MYO1G: variants seen among roughly 807,000 people sequenced by gnomAD.
The protein encoded by MYO1G is myosin IG.
Under a neutral mutation model 115.3 loss-of-function variants are expected in MYO1G, and 65 were observed. The ratio of observed to expected loss-of-function variants is 0.56; its 90% CI spans 0.46 to 0.69. The LOEUF (loss-of-function observed/expected upper bound fraction) is 0.69. MYO1G is among the 30% of genes least tolerant of loss of function. The pLI, the probability that MYO1G is intolerant of heterozygous loss-of-function variation, is 0.00. For missense variants in MYO1G, 1,204 were observed against 1,393.5 expected, an observed-to-expected ratio of 0.86 and a Z score of 2.16; for synonymous variants, 510 against 552.6, an observed-to-expected ratio of 0.92 and a Z score of 1.08.
At position 44,975,240 on chromosome 7, in the gene MYO1G, G is replaced by C. The variant is rs1401891651; in HGVS notation, c.565-13C>G. On this transcript the variant is annotated splice_polypyrimidine_tract_variant and intron_variant, in intron 4 of 21. Coordinates refer to ENST00000258787, the MANE Select transcript of MYO1G (RefSeq NM_033054.3). ...TGAGGACCCGAGACTGAGGAGAGAG[G>C]GGCAGATGGACTCAGGCCTGGGAAG... is the stretch of plus-strand genomic sequence containing the variant. The C allele has an allele frequency of 6.2e-7, 1 of 1,613,860 alleles. No individual in the cohort carries two copies. Among genetic ancestry groups the C allele is most frequent in the African/African-American group, 1.3e-5 (1 of 74,904 alleles).
Position 44,976,572 on chromosome 7 carries a change from C to G in MYO1G, c.390G>C (p.Glu130Asp), listed in dbSNP as rs1470917691. ...TGCCCATTGCCACTCACCTCTCCACCTCAGCCCTCTGGCTTGGATTGGTGA... is the reference window on the plus strand; with the variant it reads ...TGCCCATTGCCACTCACCTCTCCACGTCAGCCCTCTGGCTTGGATTGGTGA... ...AAVTNPSQRA[E>D]VERVKDVLLK... Residue 130 changes from glutamate (E) to aspartate (D), a missense_variant, in exon 3 of 22, where the codon GAG becomes GAC. Physicochemically the swap from Glu to Asp is conservative, Grantham distance 45. Transcript: ENST00000258787. The G allele has an allele frequency of 1.1e-5, 17 of 1,614,008 alleles. No individual in the cohort carries two copies. The highest frequency in any genetic ancestry group is 1.4e-5 in the Non-Finnish European group (17 of 1,180,014).
chr7:44,971,168 A>G (rs1794951930), intron 7 of MYO1G, 109 bp from the exon 8 acceptor site: 1 of 943,820 alleles, frequency 1.1e-6, no homozygotes, highest in Non-Finnish European at 1.6e-6. Context: ...GCGGTAGAGT[A>G]CAGCTCCTTC....
Position 44,962,930 on chromosome 7 carries a change from G to T in MYO1G, c.2901-35C>A. The T allele has an allele frequency of 6.7e-7, 1 of 1,502,494 alleles. No homozygotes were observed. The highest frequency in any genetic ancestry group is 8.9e-7 in the Non-Finnish European group (1 of 1,128,742). 93.1% of individuals were successfully genotyped at this position (1,502,494 alleles called of 1,614,324 possible). A position where few individuals can be genotyped will look rare whatever the true frequency, so the allele number is the denominator to read the frequency against. On this transcript the variant is annotated intron_variant, in intron 21 of 21. Transcript: ENST00000258787. This position sits in a 1 kb window ranked among gnomAD's most constrained non-coding sequence, Gnocchi z 5.3. ...GAGGAGGGGTCAGGGCGGCCACGCG[G>T]CCGGGGCTTCGTGCCCGCTACCGCC...
Position 44,969,295 on chromosome 7 carries a change from T to C in MYO1G, c.1574+118A>G. On this transcript the variant is annotated intron_variant, in intron 12 of 21. Coordinates refer to ENST00000258787, the MANE Select transcript of MYO1G (RefSeq NM_033054.3). The surrounding 1 kb of genome is among the most constrained non-coding windows in gnomAD (Gnocchi z 5.0). ...TTTCAGTGTCTTAAAGGGGTGGGGG[T>C]GGCAGAAGTGGCCATAACACCTGTC... 1 of 859,742 alleles carries C rather than the reference T, an allele frequency of 1.2e-6. No homozygotes were observed. The highest frequency in any genetic ancestry group is 2.0e-6 in the Non-Finnish European group (1 of 502,488). 53.3% of individuals were successfully genotyped at this position (859,742 alleles called of 1,614,324 possible). A position where few individuals can be genotyped will look rare whatever the true frequency, so the allele number is the denominator to read the frequency against.
rs1794922076 is a variant in MYO1G, at chr7:44,969,961, G to T, written c.1332+79C>A. On this transcript the variant is annotated intron_variant, in intron 10 of 21. Coordinates refer to ENST00000258787, the MANE Select transcript of MYO1G (RefSeq NM_033054.3). The surrounding 1 kb of genome is among the most constrained non-coding windows in gnomAD (Gnocchi z 5.0). ...CGCCCCACACTCAGCCACCTGTCAG[G>T]CCAGCCCGGGCCCCTCCCCATGGGC... is the stretch of plus-strand genomic sequence containing the variant. The T allele has an allele frequency of 3.1e-6, 5 of 1,588,188 alleles. No homozygotes were observed. The highest frequency in any genetic ancestry group is 4.3e-6 in the Non-Finnish European group (5 of 1,164,260).
rs778361161 is a variant in MYO1G at position 44,965,041 on chromosome 7, G to T, written c.2430C>A (p.Pro810=). Residue 810 remains proline, a synonymous_variant, in exon 18 of 22, where the codon CCC becomes CCA. Transcript: ENST00000258787. ...TGGCGGCCACCTTGGCCTTGATCTG[G>T]GGCATGTCTGAAGGGGGGATGTTCT... is the stretch of plus-strand genomic sequence containing the variant. ...LVKNIPPSDM[P]QIKAKVAAMG... 1 of 1,611,370 alleles carries T rather than the reference G, an allele frequency of 6.2e-7. No individual in the cohort carries two copies. Among genetic ancestry groups the T allele is most frequent in the Non-Finnish European group, 8.5e-7 (1 of 1,178,460 alleles).
Position 44,967,597 on chromosome 7 carries a change from G to T in MYO1G, c.1782+8C>A. 1 of 1,613,800 alleles carries T rather than the reference G, an allele frequency of 6.2e-7. No individual in the cohort carries two copies. Among genetic ancestry groups the T allele is most frequent in the African/African-American group, 1.3e-5 (1 of 75,068 alleles). On this transcript the variant is annotated splice_region_variant and intron_variant, in intron 14 of 21. Coordinates refer to ENST00000258787, the MANE Select transcript of MYO1G (RefSeq NM_033054.3). ...GAACAGCCAGAGTGGGAGAGGGGTG[G>T]AACATACCTTGGAGGCAAGGTTCTC...
rs201309689 is a variant in MYO1G at position 44,971,037 on chromosome 7, G to A, written c.869C>T (p.Thr290Met). 75 of 1,611,850 alleles carry A rather than the reference G, an allele frequency of 4.7e-5. No homozygotes were observed. The highest frequency in any genetic ancestry group is 4.0e-4 in the African/African-American group (30 of 74,898). Residue 290 changes from threonine (T) to methionine (M), a missense_variant, in exon 8 of 22, where the codon ACG becomes ATG. Coordinates refer to ENST00000258787, the MANE Select transcript of MYO1G (RefSeq NM_033054.3). The stretch of plus-strand genomic sequence containing the variant: ...CTCCTTCTGCAGCCCACCCTCCTCC[G>A]TCTCCACAAACTCGATGTTTCCCTG... ...LHLGNIEFVE[T>M]EEGGLQKEGL...
At chr7:44,976,441 C>A in intron 3 of MYO1G, 123 bp downstream of exon 3, 1 of 891,930 alleles carries the variant, frequency 1.1e-6, no homozygotes. Flanking sequence ...CCCAAGTTCC[C>A]ACTGAACTTG....
intron 7 of MYO1G, among the ~76,000 whole-genome samples, chr7:44,971,332 G>C (rs73694239): frequency 6.6e-6 from 1 of 152,196 alleles, no homozygotes; most frequent in Admixed American, 6.5e-5. Context: ...CACAGCCAGC[G>C]GAGCCCTGCA....
Position 44,969,364 on chromosome 7 carries a change from C to A in MYO1G, c.1574+49G>T. On this transcript the variant is annotated intron_variant, in intron 12 of 21. Coordinates refer to ENST00000258787, the MANE Select transcript of MYO1G (RefSeq NM_033054.3). This position sits in a 1 kb window ranked among gnomAD's most constrained non-coding sequence, Gnocchi z 5.0. ...AGCGCTCCTGCCCCATGACACATGC[C>A]ATGGTGCCTGTGGGAAAGCCAGGGA... The A allele has an allele frequency of 6.3e-7, 1 of 1,593,118 alleles. No homozygotes were observed. The highest frequency in any genetic ancestry group is 1.1e-5 in the South Asian group (1 of 90,712).
Position 44,969,619 on chromosome 7 carries a change from CAGGCCCCACG to C in MYO1G, c.1503+76_1503+85del. On this transcript the variant is annotated intron_variant, in intron 11 of 21. Coordinates refer to ENST00000258787, the MANE Select transcript of MYO1G (RefSeq NM_033054.3). The surrounding 1 kb of genome is among the most constrained non-coding windows in gnomAD (Gnocchi z 5.0). ...ATGGCACCAAAGCTGGGTCCCCAAC[CAGGCCCCACG>C]AGGCATGGGCAGCATGGTGCCTGTG... 4 of 1,583,802 alleles carry C rather than the reference CAGGCCCCACG, an allele frequency of 2.5e-6. No individual in the cohort carries two copies. The highest frequency in any genetic ancestry group is 3.5e-6 in the Non-Finnish European group (4 of 1,158,266).
At chr7:44,967,779 C>T in intron 13 of MYO1G, 42 bp from the exon 14 acceptor site, 1 of 1,611,868 alleles carries the variant, frequency 6.2e-7, no homozygotes, top group Admixed American at 1.7e-5. Flanking sequence ...TCTGGGAGAG[C>T]AGCCCCACCC....
chr7:44,966,908 G>A lies in MYO1G; in HGVS notation c.1783-70C>T. Reference sequence around the variant, plus strand: ...CTGTGCACCCTGCCCCACACCAGGGGCTTCCTAACCCCTCAAGGTCCCAGG... The same window carrying A: ...CTGTGCACCCTGCCCCACACCAGGGACTTCCTAACCCCTCAAGGTCCCAGG... On this transcript the variant is annotated intron_variant, in intron 14 of 21. Transcript: ENST00000258787. The surrounding 1 kb of genome is among the most constrained non-coding windows in gnomAD (Gnocchi z 5.0). The A allele has an allele frequency of 6.8e-7, 1 of 1,480,908 alleles. No individual in the cohort carries two copies. Among genetic ancestry groups the A allele is most frequent in the Non-Finnish European group, 9.1e-7 (1 of 1,101,830 alleles). The allele number at this position is 1,480,908 out of a possible 1,614,324, so 91.7% of individuals were successfully genotyped here.
At chr7:44,975,958 G>T (rs567288883) in intron 3 of MYO1G, among the ~76,000 whole-genome samples, 13 of 152,350 alleles carry the variant, frequency 8.5e-5, no homozygotes, top group Admixed American at 7.8e-4. Flanking sequence ...GCAGCCTGGG[G>T]AGGAGGGGCT....
chr7:44,971,182 G>A (rs1794952292), intron 7 of MYO1G, 123 bp from the exon 8 acceptor site: 3 of 828,680 alleles, frequency 3.6e-6, no homozygotes, highest in Non-Finnish European at 5.6e-6. Context: ...CTCCTTCTCA[G>A]ACCAGCATGG....
Position 44,975,594 on chromosome 7 carries a change from G to T in MYO1G, c.454C>A (p.Arg152Ser). 1 of 1,613,934 alleles carries T rather than the reference G, an allele frequency of 6.2e-7. No homozygotes were observed. Among genetic ancestry groups the T allele is most frequent in the South Asian group, 1.1e-5 (1 of 91,068 alleles). ...TCVLEAFGNA[R>S]TNRNHNSSRF... ...CTGGAGTTGTGATTGCGGTTGGTGC[G>T]GGCATTGCCAAAGGCCTCCAGCACA... The change falls in exon 4 of 22, where the codon CGC (arginine) becomes AGC (serine). Residue 152 changes from arginine (R) to serine (S), a missense_variant. Coordinates refer to ENST00000258787, the MANE Select transcript of MYO1G (RefSeq NM_033054.3).
rs867414113 is a variant in MYO1G, at chr7:44,966,180, C to T, written c.2050G>A (p.Val684Met). The T allele has an allele frequency of 9.9e-6, 16 of 1,612,790 alleles. No homozygotes were observed. Among genetic ancestry groups the T allele is most frequent in the Middle Eastern group, 1.6e-4 (1 of 6,062 alleles). The change falls in exon 16 of 22, where the codon GTG becomes ATG. Residue 684 changes from valine to methionine, a missense_variant. Transcript: ENST00000258787. The surrounding 1 kb of genome is among the most constrained non-coding windows in gnomAD (Gnocchi z 5.0). ...LLEQHGLQGD[V>M]AFGHSKLFIR... ...AACAGCTTGCTGTGGCCAAAGGCCA[C>T]GTCCCCCTGCAGCCCGTGCTGCTCC...
chr7:44,971,148 G>A, intron 7 of MYO1G, 89 bp from the exon 8 acceptor site: 1 of 1,147,388 alleles, frequency 8.7e-7, no homozygotes, highest in South Asian at 1.4e-5. Flanking sequence ...GGAAAGCAGG[G>A]GACATGGATG....
Sources: gnomAD v4.1 joint callset for allele counts (sites outside exome capture counted in the v4.1 genomes callset) on GRCh38, gnomAD v4.1.1 for gene constraint, Gnocchi (gnomAD v3.1) non-coding constraint, MANE v1.5 for transcripts, NCBI Gene and HGNC (gene_info 2026-07-23, HGNC 2026-07-21) for gene names.